TASOR2: variants seen among roughly 807,000 people sequenced by gnomAD.
The protein encoded by TASOR2 is transcription activation suppressor family member 2.
A neutral mutation model predicts 199.5 loss-of-function variants in TASOR2; 84 were observed. The ratio of observed to expected loss-of-function variants is 0.42; its 90% CI spans 0.35 to 0.50. TASOR2 has a LOEUF of 0.50. TASOR2 is among the 20% of genes least tolerant of loss of function. TASOR2 has a pLI of 0.02. For missense variants in TASOR2, 2,796 were observed against 2,835.9 expected (o/e 0.99, Z 0.32); for synonymous variants, 1,103 against 1,046.6 (o/e 1.05, Z -1.04).
chr10:5,707,915 A>T (rs976371217), intron 1 of TASOR2, among the ~76,000 whole-genome samples: 1 of 152,154 alleles, frequency 6.6e-6, no homozygotes, highest in Non-Finnish European at 1.5e-5. Flanking sequence ...GGTAGCACCT[A>T]GTGAGTTCAA....
chr10:5,714,418 G>A, intron 2 of TASOR2: 1 of 358,434 alleles, frequency 2.8e-6, no homozygotes, highest in East Asian at 4.1e-5. Context: ...GATTGGTATT[G>A]TCTTGAGAAT....
rs1193756140 is a variant in TASOR2, at chr10:5,742,690, C to A, written c.2757+164C>A. Among the ~76,000 whole-genome samples the A allele has an allele frequency of 6.6e-6, 1 of 152,032 alleles. No individual in the cohort carries two copies. Among genetic ancestry groups the A allele is most frequent in the Non-Finnish European group, 1.5e-5 (1 of 68,016 alleles). On this transcript the variant is annotated intron_variant, in intron 14 of 20. Coordinates refer to ENST00000328090, the Ensembl canonical transcript of TASOR2. This position sits in a 1 kb window ranked among gnomAD's most constrained non-coding sequence, Gnocchi z 4.2. The stretch of plus-strand genomic sequence containing the variant: ...CAAAAACCTAGTTTTCATGAAGTGT[C>A]CTTGAATTGTCTGCAGGTAGAGCTT...
At chr10:5,702,215 T>G (rs953461988) in intron 1 of TASOR2, among the ~76,000 whole-genome samples, 4 of 152,228 alleles carry the variant, frequency 2.6e-5, no homozygotes, top group African/African-American at 9.6e-5. Context: ...TCTGTTGAAG[T>G]AATCATGGTT....
chr10:5,685,219 G>C lies in TASOR2; in HGVS notation c.-288+44G>C, dbSNP rs905356122. ...TGGGCGCCCGGGAACCCTGCGAGGAGGACGGCGGGTCCCCGAGGCCGAGCG... is the reference window on the plus strand; with the variant it reads ...TGGGCGCCCGGGAACCCTGCGAGGACGACGGCGGGTCCCCGAGGCCGAGCG... On this transcript the variant is annotated intron_variant, in intron 1 of 20. Coordinates refer to ENST00000328090, the Ensembl canonical transcript of TASOR2. This position sits in a 1 kb window ranked among gnomAD's most constrained non-coding sequence, Gnocchi z 5.4. 14 of 397,584 alleles carry C rather than the reference G, an allele frequency of 3.5e-5. No homozygotes were observed. The highest frequency in any genetic ancestry group is 6.2e-5 in the Non-Finnish European group (14 of 225,416). The allele number at this position is 397,584 out of a possible 1,614,324, so 24.6% of individuals were successfully genotyped here.
At chr10:5,749,618 C>T in exon 15 of TASOR2, 1 of 1,614,150 alleles carries the variant, frequency 6.2e-7, no homozygotes. Flanking sequence ...CTGGACAGCT[C>T]TTCCTCTTGG....
At chr10:5,762,037 G>A (rs1207357116) in intron 19 of TASOR2, among the ~76,000 whole-genome samples, 2 of 152,126 alleles carry the variant, frequency 1.3e-5, no homozygotes, top group African/African-American at 4.8e-5. Context: ...AGCACTTTGG[G>A]AGGCTGAAGC....
chr10:5,724,586 A>T, intron 8 of TASOR2, 53 bp downstream of exon 9: 1 of 523,752 alleles, frequency 1.9e-6, no homozygotes, highest in Non-Finnish European at 2.8e-6. Context: ...TAATTGATAT[A>T]TATTAGTTGT....
rs918290693 is a variant in TASOR2 at position 5,701,574 on chromosome 10, A to G, written c.-287-11249A>G. Among the ~76,000 whole-genome samples, 4 of 152,178 alleles carry G rather than the reference A, an allele frequency of 2.6e-5. No homozygotes were observed. The highest frequency in any genetic ancestry group is 1.5e-5 in the Non-Finnish European group (1 of 68,016). On this transcript the variant is annotated intron_variant, in intron 1 of 20. Transcript: ENST00000328090. The surrounding 1 kb of genome is among the most constrained non-coding windows in gnomAD (Gnocchi z 4.9). ...CTTTGGGTAGTATTCAACAATATGAATTCTTCCAGTCCCTGAGCATAGAGT... is the reference window on the plus strand; with the variant it reads ...CTTTGGGTAGTATTCAACAATATGAGTTCTTCCAGTCCCTGAGCATAGAGT...
At position 5,720,151 on chromosome 10, in the gene TASOR2, G is replaced by A; in HGVS notation, c.-99-393G>A. On this transcript the variant is annotated intron_variant, in intron 3 of 20. Transcript: ENST00000328090. This position sits in a 1 kb window ranked among gnomAD's most constrained non-coding sequence, Gnocchi z 5.3. Reference sequence around the variant, plus strand: ...AAGTATAGTTCTTAATACAGTTACTGTTAGGGGACACATATCTGCATCCTT... The same window carrying A: ...AAGTATAGTTCTTAATACAGTTACTATTAGGGGACACATATCTGCATCCTT... 4 of 443,218 alleles carry A rather than the reference G, an allele frequency of 9.0e-6. No homozygotes were observed. Among genetic ancestry groups the A allele is most frequent in the Non-Finnish European group, 1.2e-5 (4 of 334,766 alleles). 27.5% of individuals were successfully genotyped at this position (443,218 alleles called of 1,614,324 possible).
chr10:5,692,487 G>C (rs1290040922), intron 1 of TASOR2, among the ~76,000 whole-genome samples: 2 of 152,164 alleles, frequency 1.3e-5, no homozygotes, highest in Non-Finnish European at 2.9e-5. Context: ...CTCGGGGGCA[G>C]TTGGCTTGCT....
At position 5,720,617 on chromosome 10, in the gene TASOR2, C is replaced by A. The variant is rs1389752103; in HGVS notation, c.-26C>A. The A allele has an allele frequency of 1.8e-5, 29 of 1,613,774 alleles. No homozygotes were observed. The highest frequency in any genetic ancestry group is 2.4e-5 in the Non-Finnish European group (28 of 1,179,958). Reference sequence around the variant, plus strand: ...CAGATCTGTCCTTATGTAATTGTAGCTTTTCGATACAGGGAATCTAAAACT... The same window carrying A: ...CAGATCTGTCCTTATGTAATTGTAGATTTTCGATACAGGGAATCTAAAACT... On this transcript the variant is annotated 5_prime_UTR_variant, in exon 4 of 21. Coordinates refer to ENST00000328090, the Ensembl canonical transcript of TASOR2. This position sits in a 1 kb window ranked among gnomAD's most constrained non-coding sequence, Gnocchi z 5.3.
At chr10:5,716,970 A>ATT (rs78327684) in intron 2 of TASOR2, among the ~76,000 whole-genome samples, 7 of 145,602 alleles carry the variant, frequency 4.8e-5, no homozygotes, top group African/African-American at 1.0e-4. Context: ...CATTTGTTTA[A>ATT]TTTTTTTTCT....
rs1276735389 is a variant in TASOR2, at chr10:5,750,073, T to C, written c.6606+46T>C. The C allele has an allele frequency of 4.6e-6, 7 of 1,518,884 alleles. No homozygotes were observed. Among genetic ancestry groups the C allele is most frequent in the Non-Finnish European group, 3.5e-6 (4 of 1,137,364 alleles). 94.1% of individuals were successfully genotyped at this position (1,518,884 alleles called of 1,614,324 possible). Reference sequence around the variant, plus strand: ...TACGTATTATTTTAATTGCTGATTTTAGTTTTAGAAATAATAAATTTAGCA... The same window carrying C: ...TACGTATTATTTTAATTGCTGATTTCAGTTTTAGAAATAATAAATTTAGCA... On this transcript the variant is annotated intron_variant, in intron 15 of 20. Transcript: ENST00000328090. This position sits in a 1 kb window ranked among gnomAD's most constrained non-coding sequence, Gnocchi z 5.4.
rs1008904216 is a variant in TASOR2, at chr10:5,699,219, C to T, written c.-287-13604C>T. Among the ~76,000 whole-genome samples the T allele has an allele frequency of 1.3e-5, 2 of 152,108 alleles. No homozygotes were observed. Among genetic ancestry groups the T allele is most frequent in the African/African-American group, 4.8e-5 (2 of 41,430 alleles). ...AACAGGCTAAGTGAAAGAAGCCAAT[C>T]ATGAAGGACCGCGTGCTGTATGACT... On this transcript the variant is annotated intron_variant, in intron 1 of 20. Transcript: ENST00000328090. This position sits in a 1 kb window ranked among gnomAD's most constrained non-coding sequence, Gnocchi z 4.1.
chr10:5,731,326 T>A, intron 11 of TASOR2, 123 bp downstream of exon 12: 1 of 873,384 alleles, frequency 1.1e-6, no homozygotes, highest in African/African-American at 1.7e-5. Context: ...GTCAGGAGTT[T>A]GAGACCAGTC....
chr10:5,697,428 C>T (rs918662287), intron 1 of TASOR2, among the ~76,000 whole-genome samples: 1 of 152,166 alleles, frequency 6.6e-6, no homozygotes, highest in African/African-American at 2.4e-5. Flanking sequence ...CCAGAATCAG[C>T]CCTATCCAAA....
Position 5,730,544 on chromosome 10 carries a change from C to A in TASOR2, c.545C>A (p.Ser182Tyr). ...TCAATGAAGGTGATACCTATTTTAT[C>A]TACCCTTAATTGTGCCCTGCTAGAA... The change falls in exon 11 of 21, where the codon TCT (serine) becomes TAT (tyrosine). Residue 182 changes from serine (S) to tyrosine (Y), a missense_variant. This residue lies in a region of TASOR2 where 847 missense variants were observed against 887.4 expected (regional missense o/e 0.95). Transcript: ENST00000328090. This position sits in a 1 kb window ranked among gnomAD's most constrained non-coding sequence, Gnocchi z 4.1. 2 of 1,613,182 alleles carry A rather than the reference C, an allele frequency of 1.2e-6. No individual in the cohort carries two copies. Among genetic ancestry groups the A allele is most frequent in the Non-Finnish European group, 1.7e-6 (2 of 1,179,726 alleles).
chr10:5,747,211 A>T, exon 15 of TASOR2: 1 of 1,614,162 alleles, frequency 6.2e-7, no homozygotes, highest in Admixed American at 1.7e-5. Flanking sequence ...CAAACAAACA[A>T]GCCTGTCTGT....
At chr10:5,743,554 A>G (rs1410861665) in intron 14 of TASOR2, among the ~76,000 whole-genome samples, 1 of 152,164 alleles carries the variant, frequency 6.6e-6, no homozygotes, top group African/African-American at 2.4e-5. Flanking sequence ...GAAAACCTAA[A>G]TGTTAACTAT....
Sources: gnomAD v4.1 joint callset for allele counts (sites outside exome capture counted in the v4.1 genomes callset) on GRCh38, gnomAD v4.1.1 for gene constraint, gnomAD v4.1.1 regional missense constraint, Gnocchi (gnomAD v3.1) non-coding constraint, MANE v1.5 for transcripts, NCBI Gene and HGNC (gene_info 2026-07-23, HGNC 2026-07-21) for gene names.